The following GRM3 variants were observed in gnomAD, a reference collection of about 807,000 sequenced individuals.
GRM3 encodes the protein metabotropic glutamate receptor 3.
GRM3 carries 26 observed loss-of-function variants against 70.5 expected under a neutral mutation model. The ratio of observed to expected loss-of-function variants is 0.37; its 90% CI spans 0.27 to 0.51. The LOEUF (loss-of-function observed/expected upper bound fraction) is 0.51. Ranked by LOEUF, GRM3 falls within the 20% of genes least tolerant of loss-of-function variation. The pLI is 0.93. For missense variants in GRM3, 859 were observed against 1,123.8 expected, an observed-to-expected ratio of 0.76 and a Z score of 3.37; for synonymous variants, 443 against 434.9, an observed-to-expected ratio of 1.02 and a Z score of -0.23.
Position 86,765,235 on chromosome 7 carries a change from G to A in GRM3, c.90G>A (p.Arg30=). 1 of 1,613,722 alleles carries A rather than the reference G, an allele frequency of 6.2e-7. No individual in the cohort carries two copies. Among genetic ancestry groups the A allele is most frequent in the Non-Finnish European group, 8.5e-7 (1 of 1,179,820 alleles). Reference sequence around the variant, plus strand: ...CTTTAGGGGACCATAACTTTCTAAGGAGAGAGATTAAAATAGAAGGTGACC... The same window carrying A: ...CTTTAGGGGACCATAACTTTCTAAGAAGAGAGATTAAAATAGAAGGTGACC... ...LLSLGDHNFL[R]REIKIEGDLV... The change falls in exon 2 of 6, where the codon AGG becomes AGA. Residue 30 remains arginine, a synonymous_variant. Coordinates refer to ENST00000361669, the MANE Select transcript of GRM3 (RefSeq NM_000840.3).
chr7:86,712,106 C>T (rs147946324), intron 1 of GRM3, among the ~76,000 whole-genome samples: 2 of 152,068 alleles, frequency 1.3e-5, no homozygotes, highest in East Asian at 3.9e-4. Flanking sequence ...TTCTCTCTCT[C>T]CTCAAAGTCT....
chr7:86,773,771 T>C (rs77450570), intron 2 of GRM3, among the ~76,000 whole-genome samples: 3,058 of 152,248 alleles, frequency 0.02, 45 homozygotes, highest in African/African-American at 0.035. Context: ...CATTGCTTCA[T>C]TGTAGAAATT....
At chr7:86,731,080 A>C (rs966481305) in intron 1 of GRM3, among the ~76,000 whole-genome samples, 1 of 151,942 alleles carries the variant, frequency 6.6e-6, no homozygotes, top group Non-Finnish European at 1.5e-5. Flanking sequence ...GAGCTCAATT[A>C]GTGCTATGAT....
At chr7:86,756,386 A>G (rs983977277) in intron 1 of GRM3, among the ~76,000 whole-genome samples, 1 of 152,022 alleles carries the variant, frequency 6.6e-6, no homozygotes, top group African/African-American at 2.4e-5. Context: ...GCCCTCCTCT[A>G]GCATTTCTGA....
At chr7:86,667,980 C>T (rs1010609388) in intron 1 of GRM3, among the ~76,000 whole-genome samples, 2 of 152,114 alleles carry the variant, frequency 1.3e-5, no homozygotes, top group African/African-American at 4.8e-5. Context: ...AATCAAAGCT[C>T]TCTCCTGCTC....
intron 2 of GRM3, among the ~76,000 whole-genome samples, chr7:86,783,462 A>G (rs759217016): frequency 6.6e-6 from 1 of 152,224 alleles, no homozygotes; most frequent in Non-Finnish European, 1.5e-5. Context: ...AATAGAGATA[A>G]TAATATCCAC....
In GRM3 at chr7:86,857,130, G is replaced by C. The variant is rs62488039; in HGVS notation, c.2566+6586G>C. Among the ~76,000 whole-genome samples, 63 of 140,630 alleles carry C rather than the reference G, an allele frequency of 4.5e-4. No individual in the cohort carries two copies. In the East Asian group the frequency reaches 0.011, roughly 26 times the overall value. 92.3% of individuals were successfully genotyped at this position (140,630 alleles called of 152,430 possible). A position where few individuals can be genotyped will look rare whatever the true frequency, so the allele number is the denominator to read the frequency against. ...GAATGTTAGCATCTGCAAATTCAAT[G>C]GTTTTTTTTTTTTTTTAAGTTAAAA... On this transcript the variant is annotated intron_variant, in intron 5 of 5. Transcript: ENST00000361669.
intron 1 of GRM3, among the ~76,000 whole-genome samples, chr7:86,747,615 A>T (rs142430032): frequency 2.6e-5 from 4 of 152,086 alleles, no homozygotes; most frequent in Non-Finnish European, 5.9e-5. Flanking sequence ...GGAAGACTCA[A>T]TTGGGATACC....
intron 1 of GRM3, among the ~76,000 whole-genome samples, chr7:86,656,602 AT>A (rs1176274287): frequency 2.6e-5 from 4 of 151,766 alleles, no homozygotes; most frequent in African/African-American, 9.7e-5. Flanking sequence ...ATTATTTCCA[AT>A]TTTTGTGAAC....
At chr7:86,749,745 G>A (rs1291502732) in intron 1 of GRM3, among the ~76,000 whole-genome samples, 2 of 152,076 alleles carry the variant, frequency 1.3e-5, no homozygotes, top group Non-Finnish European at 2.9e-5. Context: ...TTCTAGGAAA[G>A]AGAAGCACCA....
At chr7:86,727,144 T>C (rs1476485764) in intron 1 of GRM3, among the ~76,000 whole-genome samples, 1 of 152,068 alleles carries the variant, frequency 6.6e-6, no homozygotes, top group African/African-American at 2.4e-5. Context: ...CAGAAGATGA[T>C]ATAGTGCAAA....
At position 86,786,540 on chromosome 7, in the gene GRM3, T is replaced by A. The variant is rs2116543706; in HGVS notation, c.748T>A (p.Ser250Thr). 1.9e-6 allele frequency: 3 copies of A among 1,613,988 alleles called. No homozygotes were observed. Among genetic ancestry groups the A allele is most frequent in the Non-Finnish European group, 2.5e-6 (3 of 1,180,032 alleles). ...CGCTACGGCGGAGAAGGTGGGCCGC[T>A]CCAACATCCGCAAGTCCTACGACAG... ...CIATAEKVGR[S>T]NIRKSYDSVI... is the part of the protein sequence containing the mutation. Residue 250 changes from serine (S) to threonine (T), a missense_variant, in exon 3 of 6, where the codon TCC (serine) becomes ACC (threonine). Coordinates refer to ENST00000361669, the MANE Select transcript of GRM3 (RefSeq NM_000840.3). The surrounding 1 kb of genome is among the most constrained non-coding windows in gnomAD (Gnocchi z 6.0).
At chr7:86,852,149 C>T (rs570720618) in intron 5 of GRM3, among the ~76,000 whole-genome samples, 11 of 152,096 alleles carry the variant, frequency 7.2e-5, no homozygotes, top group South Asian at 2.1e-4. Context: ...ACTACTGTAT[C>T]GTGCAGCCTC....
intron 1 of GRM3, among the ~76,000 whole-genome samples, chr7:86,688,230 G>T (rs542636979): frequency 2.6e-5 from 4 of 151,412 alleles, no homozygotes; most frequent in Non-Finnish European, 5.9e-5. Context: ...GAAAAAAAAT[G>T]CAGTTTTATT....
intron 2 of GRM3, 149 bp downstream of exon 2, chr7:86,765,762 G>A (rs1796586309): frequency 1.4e-6 from 1 of 720,628 alleles, no homozygotes; most frequent in Non-Finnish European, 2.2e-6. Context: ...TGATAATATA[G>A]GTTTGCAGGC....
chr7:86,665,088 A>G (rs1043152786), intron 1 of GRM3, among the ~76,000 whole-genome samples: 126 of 152,198 alleles, frequency 8.3e-4, no homozygotes, highest in African/African-American at 2.9e-3. Flanking sequence ...AGAGAGATAC[A>G]GTTTCTATTA....
intron 3 of GRM3, among the ~76,000 whole-genome samples, chr7:86,794,239 G>A (rs1403876412): frequency 6.6e-6 from 1 of 152,072 alleles, no homozygotes; most frequent in African/African-American, 2.4e-5. Context: ...TTCCACTTCT[G>A]TATACCTTTA....
intron 1 of GRM3, among the ~76,000 whole-genome samples, chr7:86,708,738 G>A (rs912744873): frequency 7.9e-5 from 12 of 152,046 alleles, no homozygotes; most frequent in Non-Finnish European, 8.8e-5. Flanking sequence ...AGTAATGAGG[G>A]CATAACTCCT....
At chr7:86,793,014 G>GC (rs1478858496) in intron 3 of GRM3, among the ~76,000 whole-genome samples, 6 of 129,298 alleles carry the variant, frequency 4.6e-5, no homozygotes, top group African/African-American at 9.4e-5. Context: ...TTGGTTGGTT[G>GC]CCTTTTTTTT....
Sources: allele counts gnomAD v4.1 joint callset (sites outside exome capture counted in the v4.1 genomes callset), GRCh38; gene constraint gnomAD v4.1.1; non-coding constraint Gnocchi (gnomAD v3.1); transcripts MANE v1.5; gene names NCBI Gene and HGNC (gene_info 2026-07-23, HGNC 2026-07-21).